The following TAOK3 variants were observed in gnomAD, a reference collection of about 807,000 sequenced individuals.
TAOK3 encodes TAO kinase 3.
A neutral mutation model predicts 120.4 loss-of-function variants in TAOK3; 40 were observed. The ratio of observed to expected loss-of-function variants is 0.33; its 90% confidence interval spans 0.26 to 0.43. The LOEUF (loss-of-function observed/expected upper bound fraction) is 0.43, where lower values mean the gene tolerates loss of function less well. Among genes scored for constraint, TAOK3 ranks in the 20% least tolerant of loss-of-function variants. TAOK3 has a pLI of 1.00. For missense variants in TAOK3, 821 were observed against 1,112.1 expected (o/e 0.74, Z 3.72); for synonymous variants, 355 against 387.5 (o/e 0.92, Z 0.99).
chr12:118,206,414 T>C (rs565284370), intron 11 of TAOK3, among the ~76,000 whole-genome samples: 1 of 152,306 alleles, frequency 6.6e-6, no homozygotes, highest in East Asian at 1.9e-4. Context: ...AAGTGTAGCC[T>C]TTTACAGCCA....
intron 17 of TAOK3, among the ~76,000 whole-genome samples, chr12:118,168,930 T>C (rs1480212705): frequency 6.6e-6 from 1 of 152,118 alleles, no homozygotes; most frequent in Non-Finnish European, 1.5e-5. Context: ...AAACTCAAAA[T>C]GTGCAGTACT....
At chr12:118,290,529 T>G (rs2042432059) in intron 1 of TAOK3, among the ~76,000 whole-genome samples, 1 of 152,132 alleles carries the variant, frequency 6.6e-6, no homozygotes, top group African/African-American at 2.4e-5. Flanking sequence ...TTTAGGTTAT[T>G]TTAGGTTAAG....
chr12:118,220,499 T>G (rs542220150), intron 9 of TAOK3, among the ~76,000 whole-genome samples: 1 of 151,370 alleles, frequency 6.6e-6, no homozygotes, highest in Non-Finnish European at 1.5e-5. Context: ...CTTCATTCAC[T>G]ATTAGAAGGA....
chr12:118,314,959 A>G (rs763572626), intron 1 of TAOK3, among the ~76,000 whole-genome samples: 3 of 150,742 alleles, frequency 2.0e-5, no homozygotes, highest in Non-Finnish European at 4.4e-5. Flanking sequence ...GTCTCACTCT[A>G]TGGCCCCGGC....
intron 1 of TAOK3, chr12:118,359,358 G>A (rs2045516745): frequency 1.3e-5 from 2 of 152,128 alleles, no homozygotes; most frequent in South Asian, 4.1e-4. Context: ...ATGGTATCAA[G>A]TAGATATCAG....
intron 1 of TAOK3, among the ~76,000 whole-genome samples, chr12:118,270,984 A>T (rs1445785721): frequency 6.6e-6 from 1 of 151,906 alleles, no homozygotes; most frequent in Non-Finnish European, 1.5e-5. Context: ...GCTAAATGTC[A>T]CTTCTATAAA....
intron 1 of TAOK3, among the ~76,000 whole-genome samples, chr12:118,304,589 T>C (rs995066806): frequency 1.3e-5 from 2 of 152,206 alleles, no homozygotes. Flanking sequence ...CAATGTTCTC[T>C]TAAAAAAAAT....
intron 1 of TAOK3, among the ~76,000 whole-genome samples, chr12:118,336,852 A>C (rs1301399729): frequency 6.6e-6 from 1 of 152,182 alleles, no homozygotes; most frequent in Non-Finnish European, 1.5e-5. Context: ...CAGGAGGATC[A>C]CTTGAGGCCA....
intron 1 of TAOK3, among the ~76,000 whole-genome samples, chr12:118,327,255 T>C (rs1436223280): frequency 7.9e-5 from 12 of 152,210 alleles, no homozygotes. Context: ...ATGTATATTA[T>C]ATCAAGTAAC....
intron 1 of TAOK3, among the ~76,000 whole-genome samples, chr12:118,267,183 A>G (rs2041486103): frequency 6.6e-6 from 1 of 152,112 alleles, no homozygotes; most frequent in East Asian, 1.9e-4. Flanking sequence ...CTCTCCTATA[A>G]CCAATCTTCC....
intron 1 of TAOK3, among the ~76,000 whole-genome samples, chr12:118,339,443 G>A (rs139993137): frequency 1.6e-4 from 24 of 151,752 alleles, no homozygotes; most frequent in African/African-American, 5.8e-4. Context: ...AATACACTGC[G>A]TTAATGGAAG....
At chr12:118,261,044 T>C (rs2140213451) in intron 2 of TAOK3, among the ~76,000 whole-genome samples, 1 of 152,302 alleles carries the variant, frequency 6.6e-6, no homozygotes, top group East Asian at 1.9e-4. Flanking sequence ...TCTGCATGGG[T>C]TGCATAGCAG....
chr12:118,339,070 G>A (rs1242065128), intron 1 of TAOK3, among the ~76,000 whole-genome samples: 3 of 152,088 alleles, frequency 2.0e-5, no homozygotes, highest in Non-Finnish European at 4.4e-5. Flanking sequence ...AGCTAGAACT[G>A]TGGATGCTAC....
chr12:118,182,625 T>TATATATA (rs35580550), intron 14 of TAOK3, among the ~76,000 whole-genome samples: 34 of 57,128 alleles, frequency 6.0e-4, no homozygotes, highest in Admixed American at 1.0e-3. Flanking sequence ...ATATATATAT[T>TATATATA]TTTTTTTTTT....
At chr12:118,349,855 T>A (rs951293115) in intron 1 of TAOK3, among the ~76,000 whole-genome samples, 10 of 152,326 alleles carry the variant, frequency 6.6e-5, no homozygotes, top group African/African-American at 2.4e-4. Flanking sequence ...AGCTCTGACC[T>A]TTCAATCAGC....
chr12:118,187,246 T>C (rs2037132906), intron 14 of TAOK3, among the ~76,000 whole-genome samples: 1 of 152,172 alleles, frequency 6.6e-6, no homozygotes, highest in Admixed American at 6.6e-5. Context: ...TAAATAAATA[T>C]AGTATTGCCA....
intron 1 of TAOK3, among the ~76,000 whole-genome samples, chr12:118,334,084 G>A (rs1458615554): frequency 4.9e-5 from 7 of 143,174 alleles, no homozygotes; most frequent in African/African-American, 7.8e-5. Flanking sequence ...GCAGTGAGCC[G>A]AGATTGCACC....
chr12:118,274,667 T>C (rs1231241446), intron 1 of TAOK3, among the ~76,000 whole-genome samples: 1 of 152,182 alleles, frequency 6.6e-6, no homozygotes, highest in East Asian at 1.9e-4. Context: ...CTCACTCTGT[T>C]GCCCAGGATG....
In TAOK3 at chr12:118,219,770, CTTTTTTTT is replaced by C. The variant is rs35568926; in HGVS notation, c.644-5668_644-5661del. Among the ~76,000 whole-genome samples the C allele has an allele frequency of 8.5e-5, 5 of 58,836 alleles. No homozygotes were observed. The East Asian group carries it at 2.7e-3, about 31-fold the overall frequency. The allele number at this position is 58,836 out of a possible 152,430, so 38.6% of individuals were successfully genotyped here. ...CCATTAAGTCCAGCTACTTTTTTGG[CTTTTTTTT>C]TTTTTTTTTTTTTTTTTTAGAGATG... On this transcript the variant is annotated intron_variant, in intron 9 of 20. Transcript: ENST00000392533.
Sources: gnomAD v4.1 joint callset for allele counts (sites outside exome capture counted in the v4.1 genomes callset) on GRCh38, gnomAD v4.1.1 for gene constraint, MANE v1.5 for transcripts, NCBI Gene and HGNC (gene_info 2026-07-23, HGNC 2026-07-21) for gene names.